Variants in STXBP6 observed in about 807,000 individuals in gnomAD.
The protein encoded by STXBP6 is syntaxin-binding protein 6.
A neutral mutation model predicts 26.9 loss-of-function variants in STXBP6; 21 were observed. That is an observed-to-expected ratio of 0.78 (90% CI 0.55 to 1.12). The LOEUF (loss-of-function observed/expected upper bound fraction) is 1.12. Among genes scored for constraint, STXBP6 ranks in the 50% most tolerant of loss-of-function variants. STXBP6 has a pLI of 0.00. For missense variants in STXBP6, 232 were observed against 257.9 expected, an observed-to-expected ratio of 0.90 and a Z score of 0.69; for synonymous variants, 97 against 92.6, an observed-to-expected ratio of 1.05 and a Z score of -0.27.
intron 1 of STXBP6, among the ~76,000 whole-genome samples, chr14:25,015,077 T>C (rs996344976): frequency 1.3e-5 from 2 of 152,204 alleles, no homozygotes; most frequent in Non-Finnish European, 2.9e-5. Flanking sequence ...ACGAACAGTA[T>C]TATAATGAAG....
At position 24,974,856 on chromosome 14, in the gene STXBP6, AAAG is replaced by A; in HGVS notation, c.-32-9_-32-7del. On this transcript the variant is annotated splice_region_variant and splice_polypyrimidine_tract_variant and intron_variant, in intron 1 of 5. Coordinates refer to ENST00000323944, the MANE Select transcript of STXBP6 (RefSeq NM_001394410.1). ...GAGGACAGCACGCAGTGAATCTTTT[AAAG>A]AAGGAAAAGAAAGGAAAGTTGGAAT... The A allele has an allele frequency of 6.6e-7, 1 of 1,509,180 alleles. No individual in the cohort carries two copies. Among genetic ancestry groups the A allele is most frequent in the Non-Finnish European group, 8.9e-7 (1 of 1,119,356 alleles). 93.5% of individuals were successfully genotyped at this position (1,509,180 alleles called of 1,614,324 possible).
At chr14:25,034,089 C>A (rs28554072) in intron 1 of STXBP6, among the ~76,000 whole-genome samples, 5,137 of 152,132 alleles carry the variant, frequency 0.034, 276 homozygotes, top group African/African-American at 0.12. Flanking sequence ...ATGAAACGGA[C>A]AAGGAAAGAA....
At chr14:24,983,341 G>C (rs1439775553) in intron 1 of STXBP6, among the ~76,000 whole-genome samples, 1 of 152,174 alleles carries the variant, frequency 6.6e-6, no homozygotes, top group Non-Finnish European at 1.5e-5. Flanking sequence ...ATGTTGACTT[G>C]AGAACATCAC....
intron 1 of STXBP6, among the ~76,000 whole-genome samples, chr14:24,999,989 C>T (rs933282321): frequency 2.6e-5 from 4 of 152,036 alleles, no homozygotes; most frequent in African/African-American, 7.3e-5. Flanking sequence ...CGAGTTTTTC[C>T]GCTTATAATC....
At chr14:25,031,988 G>C (rs2075464993) in intron 1 of STXBP6, among the ~76,000 whole-genome samples, 1 of 152,036 alleles carries the variant, frequency 6.6e-6, no homozygotes, top group African/African-American at 2.4e-5. Context: ...GAGAAGGTGG[G>C]GAGTGGAAAA....
chr14:24,971,933 A>C (rs1286711755), intron 2 of STXBP6, among the ~76,000 whole-genome samples: 1 of 152,230 alleles, frequency 6.6e-6, no homozygotes, highest in Non-Finnish European at 1.5e-5. Flanking sequence ...AAAAATTCTT[A>C]ATAAATATTT....
intron 4 of STXBP6, among the ~76,000 whole-genome samples, chr14:24,842,218 C>A (rs1311272499): frequency 6.6e-6 from 1 of 152,128 alleles, no homozygotes; most frequent in Admixed American, 6.5e-5. Flanking sequence ...TAAGCCACTT[C>A]CCTAAGGAGC....
chr14:25,030,678 A>AATAT (rs1292148978), intron 1 of STXBP6, among the ~76,000 whole-genome samples: 2 of 152,208 alleles, frequency 1.3e-5, no homozygotes, highest in African/African-American at 4.8e-5. Context: ...ACCAGGGCAC[A>AATAT]ATAAAGGCTG....
chr14:24,878,764 T>A (rs1274830986), intron 2 of STXBP6: 9 of 451,466 alleles, frequency 2.0e-5, no homozygotes, highest in Non-Finnish European at 3.1e-5. Context: ...TTAGCTGGTC[T>A]TCTCTCTAAA....
intron 5 of STXBP6, chr14:24,817,998 G>A (rs919625966): frequency 4.8e-5 from 22 of 454,972 alleles, no homozygotes; most frequent in South Asian, 1.6e-4. Context: ...AGAGGTCACC[G>A]CAACTCAGCT....
At chr14:24,896,170 C>T (rs1002236958) in intron 2 of STXBP6, among the ~76,000 whole-genome samples, 5 of 152,114 alleles carry the variant, frequency 3.3e-5, no homozygotes, top group East Asian at 3.9e-4. Flanking sequence ...CAAAAGTCCA[C>T]GATCTAGTGT....
Position 24,955,900 on chromosome 14 carries a change from T to C in STXBP6, c.154+18765A>G, listed in dbSNP as rs12100921. Among the ~76,000 whole-genome samples the C allele has an allele frequency of 7.9e-3, 1,208 of 152,234 alleles. 17 individuals carry two copies. Among genetic ancestry groups the C allele is most frequent in the African/African-American group, 0.027 (1,122 of 41,538 alleles). On this transcript the variant is annotated intron_variant, in intron 2 of 5. Coordinates refer to ENST00000323944, the MANE Select transcript of STXBP6 (RefSeq NM_001394410.1). ...ACATGTTTACAACCACTCCAAATATTCAGCTTTCGAGCTGAGGAAACCAAG... is the reference window on the plus strand; with the variant it reads ...ACATGTTTACAACCACTCCAAATATCCAGCTTTCGAGCTGAGGAAACCAAG...
At chr14:25,026,199 A>T (rs1261035423) in intron 1 of STXBP6, among the ~76,000 whole-genome samples, 1 of 152,146 alleles carries the variant, frequency 6.6e-6, no homozygotes, top group Non-Finnish European at 1.5e-5. Flanking sequence ...ATAAAGCCCA[A>T]CCTACAGCAG....
At chr14:24,952,899 T>C (rs1354116330) in intron 2 of STXBP6, among the ~76,000 whole-genome samples, 1 of 152,158 alleles carries the variant, frequency 6.6e-6, no homozygotes, top group Admixed American at 6.5e-5. Context: ...TCCCCAACCA[T>C]ACTTTATTTC....
At chr14:24,944,164 T>G (rs2140007632) in intron 2 of STXBP6, among the ~76,000 whole-genome samples, 1 of 152,272 alleles carries the variant, frequency 6.6e-6, no homozygotes, top group East Asian at 1.9e-4. Context: ...GGTTGACAAT[T>G]CATTTTATCA....
chr14:24,949,165 C>T (rs1455936312), intron 2 of STXBP6, among the ~76,000 whole-genome samples: 1 of 152,120 alleles, frequency 6.6e-6, no homozygotes, highest in Admixed American at 6.5e-5. Context: ...CAGACAAATG[C>T]TGTTTATAGT....
At chr14:25,041,619 C>T (rs1423719451) in intron 1 of STXBP6, among the ~76,000 whole-genome samples, 1 of 119,952 alleles carries the variant, frequency 8.3e-6, no homozygotes, top group African/African-American at 4.0e-5. Flanking sequence ...CCCTATCTGA[C>T]CAAGCTTAGT....
intron 4 of STXBP6, among the ~76,000 whole-genome samples, chr14:24,848,648 C>G (rs951098813): frequency 2.0e-5 from 3 of 152,102 alleles, no homozygotes; most frequent in Admixed American, 6.6e-5. Flanking sequence ...AGCTGTTTCA[C>G]AGCATGCATT....
In STXBP6 at chr14:24,841,988, TCTC is replaced by T. The variant is rs1008574836; in HGVS notation, c.451+13945_451+13947del. 4.6e-5 allele frequency among the ~76,000 whole-genome samples: 7 copies of T among 152,312 alleles called. 2 individuals carry two copies. Among genetic ancestry groups the T allele is most frequent in the Admixed American group, 3.3e-4 (5 of 15,288 alleles). Reference sequence around the variant, plus strand: ...TGGGAGATTTAAATTTCTTCCTGCTTCTCCTCATTGCCTTGACCTTTTCTTTCT... The same window carrying T: ...TGGGAGATTTAAATTTCTTCCTGCTTCTCATTGCCTTGACCTTTTCTTTCT... On this transcript the variant is annotated intron_variant, in intron 4 of 5. Transcript: ENST00000323944.
Sources: allele counts gnomAD v4.1 joint callset (sites outside exome capture counted in the v4.1 genomes callset), GRCh38; gene constraint gnomAD v4.1.1; transcripts MANE v1.5; gene names NCBI Gene and HGNC (gene_info 2026-07-23, HGNC 2026-07-21).